The following ESCO1 variants were observed in gnomAD, a reference collection of about 807,000 sequenced individuals.
The protein encoded by ESCO1 is N-acetyltransferase ESCO1.
In ESCO1, 33 loss-of-function variants were observed where a neutral mutation model predicts 83.5. The ratio of observed to expected loss-of-function variants is 0.40; its 90% CI spans 0.30 to 0.53. The LOEUF is 0.53. Among genes scored for constraint, ESCO1 ranks in the 20% least tolerant of loss-of-function variants. ESCO1 has a pLI of 0.63. For synonymous variants in ESCO1, 332 were observed against 324.3 expected (o/e 1.02, Z -0.25); for missense variants, 855 against 968.0 (o/e 0.88, Z 1.55).
chr18:21,599,849 C>T (rs1010190909), intron 1 of ESCO1, among the ~76,000 whole-genome samples: 1 of 152,116 alleles, frequency 6.6e-6, no homozygotes, highest in Admixed American at 6.6e-5. Context: ...TCCCATTCTG[C>T]CTGTGCAAAA....
chr18:21,593,373 C>T (rs1481109644), intron 1 of ESCO1: 2 of 163,814 alleles, frequency 1.2e-5, no homozygotes, highest in South Asian at 1.7e-4. Flanking sequence ...GGATCACTCG[C>T]GGTTAGGAGC....
intron 1 of ESCO1, chr18:21,597,036 G>C (rs1026539618): frequency 3.3e-5 from 5 of 152,204 alleles, no homozygotes; most frequent in Non-Finnish European, 7.3e-5. Flanking sequence ...AAGATTAAAA[G>C]TACAAAACAG....
chr18:21,590,612 T>G lies in ESCO1; in HGVS notation c.-824-6172A>C, dbSNP rs138222902. On this transcript the variant is annotated intron_variant, in intron 1 of 11. Coordinates refer to ENST00000269214, the MANE Select transcript of ESCO1 (RefSeq NM_052911.3). ...ATTGAATTTGTATTTCAATTTTAATTGAATTTGTATTTAATTTAAATTTAA... is the reference window on the plus strand; with the variant it reads ...ATTGAATTTGTATTTCAATTTTAATGGAATTTGTATTTAATTTAAATTTAA... Among the ~76,000 whole-genome samples the G allele has an allele frequency of 6.6e-3, 1,005 of 152,298 alleles. 8 individuals are homozygous for G. Among genetic ancestry groups the G allele is most frequent in the Middle Eastern group, 0.01 (3 of 294 alleles).
intron 8 of ESCO1, among the ~76,000 whole-genome samples, chr18:21,540,387 A>G (rs1255227539): frequency 1.3e-5 from 2 of 152,312 alleles, no homozygotes; most frequent in East Asian, 1.9e-4. Flanking sequence ...TTAAACTCTT[A>G]TATTTCATTG....
intron 1 of ESCO1, among the ~76,000 whole-genome samples, chr18:21,586,651 C>T (rs951247311): frequency 1.4e-4 from 21 of 152,196 alleles, no homozygotes; most frequent in Non-Finnish European, 2.8e-4. Flanking sequence ...GTGTGAATTT[C>T]TTAGGATTTC....
At chr18:21,544,090 G>T (rs542545356) in intron 8 of ESCO1, among the ~76,000 whole-genome samples, 30 of 151,804 alleles carry the variant, frequency 2.0e-4, no homozygotes, top group Admixed American at 2.0e-3. Flanking sequence ...TGGCTAACAC[G>T]GTGAAACCCT....
intron 8 of ESCO1, among the ~76,000 whole-genome samples, chr18:21,543,587 TCAAAC>T (rs1171379884): frequency 6.6e-6 from 1 of 152,192 alleles, no homozygotes; most frequent in Non-Finnish European, 1.5e-5. Context: ...TGATCAAAAT[TCAAAC>T]CAAACACTTA....
rs765904584 is a variant in ESCO1, at chr18:21,579,794, GCACACACACACACACA to G, written c.-693-4033_-693-4018del. Reference sequence around the variant, plus strand: ...CTGACACACACACACACGCGCGCGCGCACACACACACACACACACACACACACACACACACACACAC... The same window carrying G: ...CTGACACACACACACACGCGCGCGCGCACACACACACACACACACACACAC... On this transcript the variant is annotated intron_variant, in intron 2 of 11. Transcript: ENST00000269214. Among the ~76,000 whole-genome samples, 140 of 37,162 alleles carry G rather than the reference GCACACACACACACACA, an allele frequency of 3.8e-3. 1 individual carries two copies. The Middle Eastern group carries it at 0.045, about 12-fold the overall frequency. The allele number at this position is 37,162 out of a possible 152,430, so 24.4% of individuals were successfully genotyped here. A position where few individuals can be genotyped will look rare whatever the true frequency, so the allele number is the denominator to read the frequency against.
intron 2 of ESCO1, among the ~76,000 whole-genome samples, chr18:21,582,432 T>A (rs983567578): frequency 3.3e-5 from 5 of 152,232 alleles, no homozygotes; most frequent in Admixed American, 3.3e-4. Context: ...GGTTTCACCA[T>A]GTTAGCCAGG....
chr18:21,593,732 A>C (rs1250853219), intron 1 of ESCO1, among the ~76,000 whole-genome samples: 4 of 151,880 alleles, frequency 2.6e-5, no homozygotes, highest in Admixed American at 1.3e-4. Flanking sequence ...AGAAGTACTG[A>C]CTACAAATCT....
At chr18:21,566,232 T>C in intron 5 of ESCO1, 26 bp from the exon 6 acceptor site, 1 of 1,596,156 alleles carries the variant, frequency 6.3e-7, no homozygotes, top group Non-Finnish European at 8.5e-7. Context: ...GAAGGTGGGT[T>C]ATATATTGAG....
rs2037737680 is a variant in ESCO1, at chr18:21,529,329, T to C, written c.*1014A>G. 1.3e-5 allele frequency: 2 copies of C among 152,656 alleles called. No individual in the cohort carries two copies. Among genetic ancestry groups the C allele is most frequent in the African/African-American group, 4.8e-5 (2 of 41,468 alleles). The allele number at this position is 152,656 out of a possible 1,614,324, so 9.5% of individuals were successfully genotyped here. ...TTAGAAAAAGCTATCAAGTATTTTA[T>C]TATTTTTATTCTACATTATATACAG... On this transcript the variant is annotated 3_prime_UTR_variant, in exon 12 of 12. Transcript: ENST00000269214.
chr18:21,574,561 G>C lies in ESCO1; in HGVS notation c.283C>G (p.Gln95Glu), dbSNP rs201165903. 124 of 1,613,658 alleles carry C rather than the reference G, an allele frequency of 7.7e-5. No individual in the cohort carries two copies. The highest frequency in any genetic ancestry group is 8.6e-5 in the Non-Finnish European group (101 of 1,179,960). The change falls in exon 4 of 12, where the codon CAA (glutamine) becomes GAA (glutamate). Residue 95 changes from glutamine to glutamate, a missense_variant. By Grantham distance (29) the Gln-to-Glu change is conservative (BLOSUM62 2). Transcript: ENST00000269214. The part of the protein sequence containing the change: ...KNTVTVRGYS[Q>E]ESTKKKLSQK... ...GATAATTTCTTTTTTGTAGATTCTT[G>C]TGAATATCCCCTCACAGTCACCGTA... is the stretch of plus-strand genomic sequence containing the variant.
At chr18:21,561,653 C>T (rs1487979853) in intron 7 of ESCO1, among the ~76,000 whole-genome samples, 2 of 152,172 alleles carry the variant, frequency 1.3e-5, no homozygotes, top group African/African-American at 4.8e-5. Flanking sequence ...GTCTTGAACT[C>T]CTGACCTCAG....
chr18:21,579,814 A>G lies in ESCO1; in HGVS notation c.-693-4037T>C, dbSNP rs1431087529. Among the ~76,000 whole-genome samples, 18 of 147,488 alleles carry G rather than the reference A, an allele frequency of 1.2e-4. 1 individual carries two copies. Among genetic ancestry groups the G allele is most frequent in the South Asian group, 2.1e-4 (1 of 4,696 alleles). ...CGCGCGCACACACACACACACACAC[A>G]CACACACACACACACACACACACAC... On this transcript the variant is annotated intron_variant, in intron 2 of 11. Transcript: ENST00000269214.
At chr18:21,590,211 A>G (rs1333590275) in intron 1 of ESCO1, among the ~76,000 whole-genome samples, 1 of 144,430 alleles carries the variant, frequency 6.9e-6, no homozygotes, top group Non-Finnish European at 1.5e-5. Flanking sequence ...AAACTCACCC[A>G]CATGAACCCT....
intron 8 of ESCO1, among the ~76,000 whole-genome samples, chr18:21,559,635 T>C (rs2038157472): frequency 6.6e-6 from 1 of 152,256 alleles, no homozygotes; most frequent in Non-Finnish European, 1.5e-5. Flanking sequence ...TAAAATATAC[T>C]GAACTATTTT....
At chr18:21,571,194 A>AT (rs201663637) in intron 4 of ESCO1, among the ~76,000 whole-genome samples, 77 of 149,288 alleles carry the variant, frequency 5.2e-4, no homozygotes, top group South Asian at 8.5e-4. Context: ...TTCTTAGGAT[A>AT]TTTTTTTTTT....
intron 2 of ESCO1, among the ~76,000 whole-genome samples, chr18:21,578,367 T>C (rs1598473523): frequency 6.6e-6 from 1 of 150,892 alleles, no homozygotes; most frequent in East Asian, 1.9e-4. Context: ...GACAAGGAGC[T>C]CTCCTATAAA....
Sources: gnomAD v4.1 joint callset for allele counts (sites outside exome capture counted in the v4.1 genomes callset) on GRCh38, gnomAD v4.1.1 for gene constraint, MANE v1.5 for transcripts, NCBI Gene and HGNC (gene_info 2026-07-23, HGNC 2026-07-21) for gene names.